Variants in HSF2BP observed in about 807,000 individuals in gnomAD.
HSF2BP encodes the protein heat shock transcription factor 2 binding protein, also known as heat shock factor 2-binding protein.
A neutral mutation model predicts 35.0 loss-of-function variants in HSF2BP; 35 were observed. That is an observed-to-expected ratio of 1.00 (90% confidence interval 0.76 to 1.32). The LOEUF (loss-of-function observed/expected upper bound fraction) is 1.32, where lower values mean the gene tolerates loss of function less well. HSF2BP is among the 40% of genes most tolerant of loss of function. The pLI, the probability that HSF2BP is intolerant of heterozygous loss-of-function variation, is 0.00. For missense variants in HSF2BP, 326 were observed against 321.7 expected, an observed-to-expected ratio of 1.01 and a Z score of -0.10; for synonymous variants, 114 against 117.4, an observed-to-expected ratio of 0.97 and a Z score of 0.18.
intron 6 of HSF2BP, among the ~76,000 whole-genome samples, chr21:43,617,607 T>C (rs2082286118): frequency 6.6e-6 from 1 of 151,896 alleles, no homozygotes; most frequent in Non-Finnish European, 1.5e-5. Context: ...AGGTTCATTT[T>C]TCATTAAAAG....
chr21:43,604,663 A>AC (rs2082103469), intron 7 of HSF2BP, among the ~76,000 whole-genome samples: 2 of 136,290 alleles, frequency 1.5e-5, no homozygotes, highest in African/African-American at 5.9e-5. Context: ...CACACCACAC[A>AC]CACACACCAC....
At chr21:43,595,130 T>C (rs1313828376) in intron 7 of HSF2BP, among the ~76,000 whole-genome samples, 2 of 152,044 alleles carry the variant, frequency 1.3e-5, no homozygotes, top group African/African-American at 2.4e-5. Context: ...CATGTGGTGA[T>C]GTGTACCTGT....
chr21:43,575,903 A>C (rs2081637775), intron 8 of HSF2BP, among the ~76,000 whole-genome samples: 1 of 152,184 alleles, frequency 6.6e-6, no homozygotes. Context: ...TGGCTCACTG[A>C]GGCTAGGAGT....
intron 8 of HSF2BP, among the ~76,000 whole-genome samples, chr21:43,581,658 A>G (rs1267885060): frequency 6.6e-6 from 1 of 152,212 alleles, no homozygotes; most frequent in African/African-American, 2.4e-5. Flanking sequence ...AAGAAAGGCA[A>G]AAAAAACACT....
At chr21:43,640,257 T>C (rs1029322897) in intron 4 of HSF2BP, among the ~76,000 whole-genome samples, 1 of 152,252 alleles carries the variant, frequency 6.6e-6, no homozygotes, top group Non-Finnish European at 1.5e-5. Flanking sequence ...GCCATGATCC[T>C]GCCACTGCAT....
intron 3 of HSF2BP, among the ~76,000 whole-genome samples, chr21:43,653,453 T>C (rs1397248219): frequency 6.6e-6 from 1 of 150,990 alleles, no homozygotes; most frequent in African/African-American, 2.5e-5. Context: ...AATAAAACCA[T>C]GTGTCTGAAG....
intron 6 of HSF2BP, among the ~76,000 whole-genome samples, chr21:43,627,749 C>CT (rs1487370768): frequency 3.3e-5 from 5 of 151,994 alleles, no homozygotes. Flanking sequence ...CTTTATTGTG[C>CT]TTTGCAGATA....
chr21:43,468,074 CCA>C, the HSF2BP span, among the ~76,000 whole-genome samples: 1 of 142,498 alleles, frequency 7.0e-6, no homozygotes, highest in East Asian at 2.2e-4. Flanking sequence ...ATACCACAAA[CCA>C]CACACAACAC....
chr21:43,581,440 A>T (rs951254699), intron 8 of HSF2BP, among the ~76,000 whole-genome samples: 1 of 152,124 alleles, frequency 6.6e-6, no homozygotes, highest in Non-Finnish European at 1.5e-5. Context: ...CTTATGAAAG[A>T]TGCTGGGATA....
At chr21:43,621,259 G>A (rs1224916896) in intron 6 of HSF2BP, among the ~76,000 whole-genome samples, 1 of 152,238 alleles carries the variant, frequency 6.6e-6, no homozygotes, top group Admixed American at 6.5e-5. Flanking sequence ...GGGCACAGTA[G>A]CTCATGCCTG....
At chr21:43,593,134 C>A (rs1419903708) in intron 7 of HSF2BP, among the ~76,000 whole-genome samples, 1 of 152,140 alleles carries the variant, frequency 6.6e-6, no homozygotes, top group Non-Finnish European at 1.5e-5. Flanking sequence ...TGCTACAATT[C>A]CAAAAGACTA....
chr21:43,633,148 G>A, intron 5 of HSF2BP, 124 bp downstream of exon 5: 2 of 1,003,104 alleles, frequency 2.0e-6, no homozygotes, highest in East Asian at 5.1e-5. Context: ...ATAACTAGCT[G>A]ATGAGTGAAC....
chr21:43,643,124 A>G (rs1332750453), intron 4 of HSF2BP, among the ~76,000 whole-genome samples: 1 of 152,234 alleles, frequency 6.6e-6, no homozygotes, highest in Admixed American at 6.5e-5. Context: ...ACAAAAAGTT[A>G]AACTAAGCAA....
chr21:43,656,643 C>T lies in HSF2BP; in HGVS notation c.131G>A (p.Arg44Lys), dbSNP rs2082872676. The change falls in exon 3 of 9, where the codon AGA (arginine) becomes AAA (lysine). Residue 44 changes from arginine to lysine, a missense_variant. By Grantham distance (26) the Arg-to-Lys change is conservative (BLOSUM62 2). Transcript: ENST00000291560. ...EVMQIRDFLPRILNGEVLESF... is the reference protein window; with the variant it reads ...EVMQIRDFLPKILNGEVLESF... ...CTCCAGCACCTCCCCATTTAGTATTCTGGGTAAGAAGTCCCGTATTTGCAT... is the reference window on the plus strand; with the variant it reads ...CTCCAGCACCTCCCCATTTAGTATTTTGGGTAAGAAGTCCCGTATTTGCAT... 5.0e-6 allele frequency: 8 copies of T among 1,613,798 alleles called. 1 individual carries two copies. In the South Asian group the frequency reaches 8.8e-5, roughly 18 times the overall value.
At chr21:43,621,196 A>G (rs1201813104) in intron 6 of HSF2BP, among the ~76,000 whole-genome samples, 1 of 152,178 alleles carries the variant, frequency 6.6e-6, no homozygotes, top group African/African-American at 2.4e-5. Context: ...TAACAAAGGA[A>G]CTCCAATTCA....
At chr21:43,602,801 G>C (rs1206433958) in intron 7 of HSF2BP, among the ~76,000 whole-genome samples, 1 of 152,170 alleles carries the variant, frequency 6.6e-6, no homozygotes, top group Non-Finnish European at 1.5e-5. Context: ...GAAATCCAAG[G>C]AGAGGGTTAT....
chr21:43,629,952 G>T (rs1380357311), intron 6 of HSF2BP, among the ~76,000 whole-genome samples: 2 of 152,216 alleles, frequency 1.3e-5, no homozygotes, highest in East Asian at 3.9e-4. Flanking sequence ...AATCAATGTG[G>T]CAAACTTCAT....
At chr21:43,583,841 C>G (rs1182957678) in intron 8 of HSF2BP, among the ~76,000 whole-genome samples, 1 of 138,692 alleles carries the variant, frequency 7.2e-6, no homozygotes, top group African/African-American at 2.8e-5. Context: ...AGATGAGGAC[C>G]TGCCGAAGGA....
chr21:43,467,991 C>T, the HSF2BP span, among the ~76,000 whole-genome samples: 1 of 117,840 alleles, frequency 8.5e-6, no homozygotes, highest in African/African-American at 3.7e-5. Context: ...ACACCACACC[C>T]ACACACACCA....
Sources: allele counts gnomAD v4.1 joint callset (sites outside exome capture counted in the v4.1 genomes callset), GRCh38; gene constraint gnomAD v4.1.1; transcripts MANE v1.5; gene names NCBI Gene and HGNC (gene_info 2026-07-23, HGNC 2026-07-21).